The following C2CD2 variants were observed in gnomAD, a reference collection of about 807,000 sequenced individuals.
C2CD2 encodes the protein C2 domain-containing protein 2.
In C2CD2, 43 loss-of-function variants were observed where a neutral mutation model predicts 74.3. The observed-to-expected ratio is 0.58, with a 90% CI of 0.45 to 0.75. C2CD2 has a LOEUF of 0.75. Ranked by LOEUF, C2CD2 falls within the 30% of genes least tolerant of loss-of-function variation. The pLI, the probability that C2CD2 is intolerant of heterozygous loss-of-function variation, is 0.00. For synonymous variants in C2CD2, 422 were observed against 390.7 expected, an observed-to-expected ratio of 1.08 and a Z score of -0.94; for missense variants, 801 against 916.3, an observed-to-expected ratio of 0.87 and a Z score of 1.63.
intron 2 of C2CD2, among the ~76,000 whole-genome samples, chr21:41,933,410 G>A (rs973952495): frequency 2.0e-5 from 3 of 152,146 alleles, no homozygotes; most frequent in Non-Finnish European, 2.9e-5. Flanking sequence ...TGCCCTACAC[G>A]GCAGTTCTAG....
intron 2 of C2CD2, among the ~76,000 whole-genome samples, chr21:41,937,229 G>C (rs976345377): frequency 6.6e-6 from 1 of 151,810 alleles, no homozygotes; most frequent in Non-Finnish European, 1.5e-5. Flanking sequence ...GCAATTCTCT[G>C]CCTCAGCCTC....
At chr21:41,927,089 A>G (rs532175819) in intron 2 of C2CD2, among the ~76,000 whole-genome samples, 1 of 152,346 alleles carries the variant, frequency 6.6e-6, no homozygotes, top group South Asian at 2.1e-4. Context: ...ACTCCATTAG[A>G]GCTAAAGATT....
At chr21:41,920,783 T>G (rs1351185167) in intron 3 of C2CD2, among the ~76,000 whole-genome samples, 2 of 152,262 alleles carry the variant, frequency 1.3e-5, no homozygotes, top group Non-Finnish European at 2.9e-5. Context: ...CTGCTTAAAA[T>G]GGCATGAATG....
intron 2 of C2CD2, among the ~76,000 whole-genome samples, chr21:41,936,077 C>CAAAAA: frequency 6.6e-6 from 1 of 151,698 alleles, no homozygotes; most frequent in Non-Finnish European, 1.5e-5. Flanking sequence ...AAAACACAGG[C>CAAAAA]AACAAAAACA....
intron 11 of C2CD2, among the ~76,000 whole-genome samples, chr21:41,905,421 G>A (rs528283969): frequency 2.7e-5 from 4 of 149,244 alleles, no homozygotes; most frequent in South Asian, 2.1e-4. Flanking sequence ...AGGTTCAAGC[G>A]ATTCTCCTGC....
At chr21:41,940,247 T>A (rs1210575130) in intron 2 of C2CD2, among the ~76,000 whole-genome samples, 1 of 152,028 alleles carries the variant, frequency 6.6e-6, no homozygotes, top group Non-Finnish European at 1.5e-5. Context: ...TGAGCTCGGG[T>A]TCATCTGGAA....
In C2CD2 at chr21:41,907,008, C is replaced by T. The variant is rs2277795; in HGVS notation, c.1302G>A (p.Ala434=). 0.16 allele frequency: 257,707 copies of T among 1,612,534 alleles called. 28,468 individuals are homozygous for T. The highest frequency in any genetic ancestry group is 0.5 in the African/African-American group (37,558 of 74,840). Residue 434 remains alanine (A), a synonymous_variant, in exon 10 of 14, where the codon GCG becomes GCA. Coordinates refer to ENST00000380486, the MANE Select transcript of C2CD2 (RefSeq NM_015500.2). ...KTKPRVDVGR[A]SPLSSDSPVK... is the part of the protein sequence containing the mutation. ...TTGTCTCACCAGAGCTCAGCGGGGA[C>T]GCCCTCCCCACGTCGACGCGAGGCT...
In C2CD2 at chr21:41,953,496, C is replaced by T. The variant is rs922413943; in HGVS notation, c.153G>A (p.Glu51=). ...ACCCCGGGCGCGGCCCCTCTCCAGG[C>T]TCCACCGCCCGCCGCTGGGGCTGGG... ...ARPQPQRRAV[E]PGEGPRPGSD... The change falls in exon 1 of 14, where the codon GAG becomes GAA. Residue 51 remains glutamate, a synonymous_variant. Coordinates refer to ENST00000380486, the MANE Select transcript of C2CD2 (RefSeq NM_015500.2). 8.1e-6 allele frequency: 12 copies of T among 1,484,294 alleles called. No individual in the cohort carries two copies. The African/African-American group carries it at 1.6e-4, about 20-fold the overall frequency. The allele number at this position is 1,484,294 out of a possible 1,614,324, so 91.9% of individuals were successfully genotyped here.
At chr21:41,912,493 AT>A (rs71319914) in intron 6 of C2CD2, 53 bp from the exon 7 acceptor site, 54,377 of 580,484 alleles carry the variant, frequency 0.094, 64 homozygotes, top group East Asian at 0.1. Context: ...TTATTTATTT[AT>A]TTTTTTTTTT....
At position 41,905,768 on chromosome 21, in the gene C2CD2, C is replaced by A. The variant is rs1406370125; in HGVS notation, c.1388G>T (p.Cys463Phe). Residue 463 changes from cysteine (C) to phenylalanine (F), a missense_variant, in exon 11 of 14, where the codon TGC (cysteine) becomes TTC (phenylalanine). Coordinates refer to ENST00000380486, the MANE Select transcript of C2CD2 (RefSeq NM_015500.2). ...TGTTTTGCTGACGGGGGCGCTGCGGCAGGCGATGGCCTGGACAGAGATGTC... is the reference window on the plus strand; with the variant it reads ...TGTTTTGCTGACGGGGGCGCTGCGGAAGGCGATGGCCTGGACAGAGATGTC... ...EKDISVQAIACRSAPVSKTLS... is the reference protein window; with the variant it reads ...EKDISVQAIAFRSAPVSKTLS... The A allele has an allele frequency of 6.2e-7, 1 of 1,612,022 alleles. No homozygotes were observed. The highest frequency in any genetic ancestry group is 1.3e-5 in the African/African-American group (1 of 74,966).
chr21:41,900,195 A>G (rs1292991734), intron 12 of C2CD2, among the ~76,000 whole-genome samples: 1 of 152,142 alleles, frequency 6.6e-6, no homozygotes, highest in Admixed American at 6.5e-5. Flanking sequence ...AATGGCGTGA[A>G]CCTGGGAGGC....
Position 41,899,398 on chromosome 21 carries a change from A to G in C2CD2, c.1561-36T>C. 7 of 1,577,240 alleles carry G rather than the reference A, an allele frequency of 4.4e-6. No individual in the cohort carries two copies. The highest frequency in any genetic ancestry group is 1.1e-5 in the South Asian group (1 of 89,644). On this transcript the variant is annotated intron_variant, in intron 12 of 13. Coordinates refer to ENST00000380486, the MANE Select transcript of C2CD2 (RefSeq NM_015500.2). This position sits in a 1 kb window ranked among gnomAD's most constrained non-coding sequence, Gnocchi z 4.4. ...CAGTGGGGAAGATGACAAGGGATAC[A>G]TGAAAGGAAGGGAGGGTTTGAAAAG...
rs2064858657 is a variant in C2CD2, at chr21:41,899,080, C to T, written c.1843G>A (p.Glu615Lys). The T allele has an allele frequency of 1.2e-6, 2 of 1,613,946 alleles. No individual in the cohort carries two copies. Among genetic ancestry groups the T allele is most frequent in the Non-Finnish European group, 1.7e-6 (2 of 1,180,010 alleles). ...ELSESSMSVL[E>K]PGTAKKHKGG... The stretch of plus-strand genomic sequence containing the variant: ...TTATGCTTTTTGGCAGTGCCCGGCT[C>T]CAAGACACTCATGGAGCTCTCTGAC... Residue 615 changes from glutamate to lysine, a missense_variant, in exon 13 of 14, where the codon GAG (glutamate) becomes AAG (lysine). Coordinates refer to ENST00000380486, the MANE Select transcript of C2CD2 (RefSeq NM_015500.2). This position sits in a 1 kb window ranked among gnomAD's most constrained non-coding sequence, Gnocchi z 4.4.
chr21:41,953,238 G>T, intron 1 of C2CD2, 132 bp downstream of exon 1: 1 of 480,178 alleles, frequency 2.1e-6, no homozygotes, highest in Non-Finnish European at 3.5e-6. Context: ...AACTCTCGAG[G>T]ATGGTCTGCG....
chr21:41,919,101 T>C, intron 3 of C2CD2, 141 bp from the exon 4 acceptor site: 2 of 667,874 alleles, frequency 3.0e-6, no homozygotes, highest in South Asian at 3.5e-5. Context: ...TATGAGTGCA[T>C]GTGAGTGTGC....
At chr21:41,916,831 T>C (rs1031919353) in intron 5 of C2CD2, among the ~76,000 whole-genome samples, 10 of 152,236 alleles carry the variant, frequency 6.6e-5, no homozygotes, top group African/African-American at 2.4e-4. Context: ...CTGGGTCCTA[T>C]TAAATTCATG....
chr21:41,898,432 A>G (rs985516602), intron 13 of C2CD2, among the ~76,000 whole-genome samples: 1 of 152,180 alleles, frequency 6.6e-6, no homozygotes, highest in Admixed American at 6.5e-5. Context: ...ATGCCAAGGC[A>G]CTGTCTCGGC....
At chr21:41,894,743 T>A in intron 13 of C2CD2, 1 of 456,728 alleles carries the variant, frequency 2.2e-6, no homozygotes, top group Non-Finnish European at 4.4e-6. Context: ...TCAATAGCAA[T>A]GGGAAAGCCT....
At chr21:41,891,099 G>A (rs1371809993) in intron 13 of C2CD2, among the ~76,000 whole-genome samples, 3 of 151,270 alleles carry the variant, frequency 2.0e-5, no homozygotes, top group Non-Finnish European at 4.4e-5. Flanking sequence ...TGTGTGCAGG[G>A]GCTTCGGGGA....
Sources: gnomAD v4.1 joint callset for allele counts (sites outside exome capture counted in the v4.1 genomes callset) on GRCh38, gnomAD v4.1.1 for gene constraint, Gnocchi (gnomAD v3.1) non-coding constraint, MANE v1.5 for transcripts, NCBI Gene and HGNC (gene_info 2026-07-23, HGNC 2026-07-21) for gene names.